The following ATL2 variants were observed in gnomAD, a reference collection of about 807,000 sequenced individuals.
ATL2 encodes atlastin-2.
In ATL2, 31 loss-of-function variants were observed where a neutral mutation model predicts 73.9. That is an observed-to-expected ratio of 0.42 (90% CI 0.32 to 0.57). The LOEUF (loss-of-function observed/expected upper bound fraction) is 0.57. ATL2 is among the 20% of genes least tolerant of loss of function. ATL2 has a pLI of 0.14. For missense variants in ATL2, 738 were observed against 702.6 expected, an observed-to-expected ratio of 1.05 and a Z score of -0.57; for synonymous variants, 291 against 237.5, an observed-to-expected ratio of 1.23 and a Z score of -2.07.
rs761381441 is a variant in ATL2 at position 38,376,264 on chromosome 2, T to G, written c.118+879A>C. The G allele has an allele frequency of 1.8e-5, 26 of 1,406,120 alleles. 1 individual carries two copies. Among genetic ancestry groups the G allele is most frequent in the Non-Finnish European group, 2.2e-5 (24 of 1,067,832 alleles). The allele number at this position is 1,406,120 out of a possible 1,614,324, so 87.1% of individuals were successfully genotyped here. On this transcript the variant is annotated intron_variant, in intron 1 of 12. Transcript: ENST00000378954. ...TAAACTCCTATAAATAGGGGTGTTA[T>G]GAGTGAGAGGGATACACTGCGCTGC... is the stretch of plus-strand genomic sequence containing the variant.
At chr2:38,354,376 A>G (rs919868117) in intron 1 of ATL2, among the ~76,000 whole-genome samples, 2 of 152,202 alleles carry the variant, frequency 1.3e-5, no homozygotes, top group African/African-American at 4.8e-5. Flanking sequence ...TCCCTAAAAG[A>G]TAATTGATCA....
intron 1 of ATL2, among the ~76,000 whole-genome samples, chr2:38,344,412 C>T (rs1314559023): frequency 6.6e-6 from 1 of 152,128 alleles, no homozygotes; most frequent in East Asian, 1.9e-4. Context: ...GAGTTCAAGA[C>T]CAGCCTGACC....
intron 2 of ATL2, among the ~76,000 whole-genome samples, chr2:38,337,060 A>C (rs1669398789): frequency 6.6e-6 from 1 of 152,134 alleles, no homozygotes; most frequent in African/African-American, 2.4e-5. Context: ...TATAACCAAC[A>C]ATCAGTATCT....
At position 38,318,265 on chromosome 2, in the gene ATL2, G is replaced by T. The variant is rs113887313; in HGVS notation, c.603+270C>A. 644 of 260,210 alleles carry T rather than the reference G, an allele frequency of 2.5e-3. 11 individuals carry two copies. The highest frequency in any genetic ancestry group is 0.013 in the African/African-American group (588 of 45,086). The allele number at this position is 260,210 out of a possible 1,614,324, so 16.1% of individuals were successfully genotyped here. A position where few individuals can be genotyped will look rare whatever the true frequency, so the allele number is the denominator to read the frequency against. On this transcript the variant is annotated intron_variant, in intron 4 of 12. Transcript: ENST00000378954. Reference sequence around the variant, plus strand: ...GGCCGAGGTGGGCGGGTCACCTGAGGTCAGGAGTTCGAGACCAGCCTGCCC... The same window carrying T: ...GGCCGAGGTGGGCGGGTCACCTGAGTTCAGGAGTTCGAGACCAGCCTGCCC...
intron 2 of ATL2, among the ~76,000 whole-genome samples, chr2:38,329,425 A>AAAAAAAAAAAAAAAAAAAAAAAC (rs1668855635): frequency 8.7e-6 from 1 of 114,356 alleles, no homozygotes; most frequent in Admixed American, 8.6e-5. Flanking sequence ...TCCATCTCCA[A>AAAAAAAAAAAAAAAAAAAAAAAC]AAAAAAAAAA....
intron 1 of ATL2, among the ~76,000 whole-genome samples, chr2:38,360,128 CA>C (rs755582696): frequency 0.072 from 5,867 of 81,748 alleles, 186 homozygotes; most frequent in African/African-American, 0.19. Context: ...GGCTCCATTT[CA>C]AAAAAAAAAA....
upstream of ATL2, chr2:38,377,422 T>G: frequency 7.3e-6 from 4 of 549,556 alleles, no homozygotes; most frequent in Non-Finnish European, 1.2e-5. Flanking sequence ...CTGTATCTCC[T>G]CGCCCTCCCT....
intron 2 of ATL2, among the ~76,000 whole-genome samples, chr2:38,329,696 G>A (rs947643160): frequency 2.0e-5 from 3 of 151,990 alleles, no homozygotes; most frequent in African/African-American, 7.2e-5. Context: ...AAAAATCCTT[G>A]ACAAAATATT....
At chr2:38,369,438 G>A (rs35670344) in intron 1 of ATL2, among the ~76,000 whole-genome samples, 36,314 of 151,798 alleles carry the variant, frequency 0.24, 4,414 homozygotes, top group South Asian at 0.36. Context: ...GTAAGACTCT[G>A]TCTCAAAGAA....
chr2:38,346,785 G>A (rs1013689494), intron 1 of ATL2, among the ~76,000 whole-genome samples: 18 of 152,120 alleles, frequency 1.2e-4, no homozygotes, highest in African/African-American at 1.9e-4. Flanking sequence ...AACAGGCCAC[G>A]GACGAGTACC....
At chr2:38,313,502 G>C (rs1009878986) in intron 6 of ATL2, among the ~76,000 whole-genome samples, 1 of 152,000 alleles carries the variant, frequency 6.6e-6, no homozygotes, top group South Asian at 2.1e-4. Context: ...CAGTAATACA[G>C]GACTTTAAAA....
chr2:38,339,848 G>A (rs564065587), intron 2 of ATL2, among the ~76,000 whole-genome samples: 14 of 151,904 alleles, frequency 9.2e-5, no homozygotes, highest in African/African-American at 1.2e-4. Flanking sequence ...ATGCCACCGC[G>A]CCCAGCTAAT....
chr2:38,347,109 T>C (rs955158434), intron 1 of ATL2, among the ~76,000 whole-genome samples: 13 of 152,198 alleles, frequency 8.5e-5, no homozygotes, highest in Admixed American at 1.3e-4. Flanking sequence ...CCCTCTTGGA[T>C]TGCCAATTTA....
chr2:38,372,948 T>C (rs542622461), intron 1 of ATL2, among the ~76,000 whole-genome samples: 1 of 152,362 alleles, frequency 6.6e-6, no homozygotes, highest in Non-Finnish European at 1.5e-5. Flanking sequence ...TAACTTTTTA[T>C]TGCAAATATA....
chr2:38,334,526 C>G (rs948578566), intron 2 of ATL2, among the ~76,000 whole-genome samples: 7 of 151,608 alleles, frequency 4.6e-5, no homozygotes, highest in African/African-American at 1.5e-4. Context: ...TGGAGAAACC[C>G]CATCTCTACT....
At chr2:38,325,904 T>C (rs1206061690) in intron 2 of ATL2, among the ~76,000 whole-genome samples, 1 of 41,998 alleles carries the variant, frequency 2.4e-5, no homozygotes, top group Non-Finnish European at 4.3e-5. Context: ...TGTTTGTTTG[T>C]TTAAAAAAAA....
intron 2 of ATL2, among the ~76,000 whole-genome samples, chr2:38,341,153 A>C (rs1306348039): frequency 6.6e-6 from 1 of 152,202 alleles, no homozygotes; most frequent in East Asian, 1.9e-4. Context: ...ACCTACTTGG[A>C]ACAAAATACA....
At chr2:38,306,452 T>C (rs896931041) in intron 9 of ATL2, among the ~76,000 whole-genome samples, 4 of 152,190 alleles carry the variant, frequency 2.6e-5, no homozygotes, top group African/African-American at 9.7e-5. Context: ...TACAGGCCAA[T>C]ATCCCTGATG....
rs768380767 is a variant in ATL2, at chr2:38,318,607, G to C, written c.531C>G (p.Ala177=). 10 of 1,612,124 alleles carry C rather than the reference G, an allele frequency of 6.2e-6. No homozygotes were observed. In the East Asian group the frequency reaches 2.0e-4, roughly 32 times the overall value. ...VAVLLMDTQG[A]FDSQSTIKDC... ...CTTTGATAGTTGACTGGCTATCAAA[G>C]GCACCCTGGGTATCCATAAGCAGCA... The change falls in exon 4 of 13, where the codon GCC becomes GCG. Residue 177 remains alanine, a synonymous_variant. Coordinates refer to ENST00000378954, the MANE Select transcript of ATL2 (RefSeq NM_001135673.4).
Sources: allele counts gnomAD v4.1 joint callset (sites outside exome capture counted in the v4.1 genomes callset), GRCh38; gene constraint gnomAD v4.1.1; transcripts MANE v1.5; gene names NCBI Gene and HGNC (gene_info 2026-07-23, HGNC 2026-07-21).